The following BMERB1 variants were observed in gnomAD, a reference collection of about 807,000 sequenced individuals.
BMERB1 encodes bMERB domain containing 1, also known as bMERB domain-containing protein 1.
Under a neutral mutation model 23.6 loss-of-function variants are expected in BMERB1, and 12 were observed. The ratio of observed to expected loss-of-function variants is 0.51; its 90% CI spans 0.33 to 0.82. The LOEUF (loss-of-function observed/expected upper bound fraction) is 0.82, where lower values mean the gene tolerates loss of function less well. Ranked by LOEUF, BMERB1 falls within the 40% of genes least tolerant of loss-of-function variation. BMERB1 has a pLI of 0.03. For missense variants in BMERB1, 247 were observed against 255.4 expected, an observed-to-expected ratio of 0.97 and a Z score of 0.22; for synonymous variants, 122 against 96.6, an observed-to-expected ratio of 1.26 and a Z score of -1.54.
At chr16:15,521,255 C>A (rs878861951) in intron 2 of BMERB1, among the ~76,000 whole-genome samples, 1 of 152,202 alleles carries the variant, frequency 6.6e-6, no homozygotes, top group Non-Finnish European at 1.5e-5. Context: ...ATCACCATTT[C>A]TCTGCACATA....
At chr16:15,512,262 G>A (rs1048313064) in intron 1 of BMERB1, among the ~76,000 whole-genome samples, 15 of 152,102 alleles carry the variant, frequency 9.9e-5, no homozygotes, top group Non-Finnish European at 1.8e-4. Context: ...ACTCAGGGCC[G>A]GGAGAGTCCC....
rs1037714390 is a variant in BMERB1, at chr16:15,568,190, A to C, written c.304+134A>C. 11 of 689,944 alleles carry C rather than the reference A, an allele frequency of 1.6e-5. No individual in the cohort carries two copies. In the African/African-American group the frequency reaches 2.0e-4, roughly 12 times the overall value. 42.7% of individuals were successfully genotyped at this position (689,944 alleles called of 1,614,324 possible). On this transcript the variant is annotated intron_variant, in intron 3 of 5. Transcript: ENST00000300006. ...TGCTCCCTGACTGCATGTGTCAAAC[A>C]CAACTTCGAGTCAGGAAGACCTGGG...
At chr16:15,486,568 T>C (rs1429009279) in intron 1 of BMERB1, among the ~76,000 whole-genome samples, 1 of 152,196 alleles carries the variant, frequency 6.6e-6, no homozygotes, top group Non-Finnish European at 1.5e-5. Context: ...TGTTGACACC[T>C]GATCCAATCA....
chr16:15,471,639 AG>A (rs2051229895), intron 1 of BMERB1, among the ~76,000 whole-genome samples: 1 of 152,104 alleles, frequency 6.6e-6, no homozygotes, highest in African/African-American at 2.4e-5. Flanking sequence ...TTTTAGAGAT[AG>A]GGGTCTTGCT....
At chr16:15,442,007 C>G (rs1339623227) in intron 1 of BMERB1, among the ~76,000 whole-genome samples, 1 of 152,076 alleles carries the variant, frequency 6.6e-6, no homozygotes, top group Non-Finnish European at 1.5e-5. Context: ...CATGGGTTGT[C>G]CTCTGGAAGA....
intron 2 of BMERB1, among the ~76,000 whole-genome samples, chr16:15,553,298 G>A (rs941835863): frequency 2.2e-4 from 33 of 152,310 alleles, no homozygotes; most frequent in African/African-American, 6.7e-4. Context: ...ATGAGCCACC[G>A]TGCCTGGCCC....
intron 5 of BMERB1, chr16:15,584,003 T>C (rs1310227568): frequency 1.4e-6 from 1 of 702,338 alleles, no homozygotes; most frequent in Non-Finnish European, 2.6e-6. Flanking sequence ...CTGGCCTCTC[T>C]TAGGTCTGGA....
intron 2 of BMERB1, among the ~76,000 whole-genome samples, chr16:15,517,452 A>G (rs576763023): frequency 6.6e-6 from 1 of 152,304 alleles, no homozygotes; most frequent in South Asian, 2.1e-4. Flanking sequence ...CGGAGGCTAC[A>G]GCGAGCTGAG....
intron 2 of BMERB1, among the ~76,000 whole-genome samples, chr16:15,519,711 G>C (rs1038315705): frequency 6.6e-6 from 1 of 151,936 alleles, no homozygotes; most frequent in Non-Finnish European, 1.5e-5. Flanking sequence ...GCATGAGTCC[G>C]GGGGGGACTG....
intron 1 of BMERB1, among the ~76,000 whole-genome samples, chr16:15,441,035 G>A (rs190392720): frequency 7.9e-5 from 12 of 152,252 alleles, no homozygotes; most frequent in African/African-American, 2.6e-4. Flanking sequence ...AGAGACAGAA[G>A]GCCAGGGTGG....
At chr16:15,559,289 AC>A (rs766316601) in intron 2 of BMERB1, among the ~76,000 whole-genome samples, 1 of 152,200 alleles carries the variant, frequency 6.6e-6, no homozygotes, top group South Asian at 2.1e-4. Flanking sequence ...GGATTCTGTG[AC>A]TGGCTTCCAT....
chr16:15,558,646 CAT>C (rs745852330), intron 2 of BMERB1, among the ~76,000 whole-genome samples: 79 of 151,888 alleles, frequency 5.2e-4, no homozygotes, highest in Non-Finnish European at 6.8e-4. Context: ...GTCGTAGCGA[CAT>C]ATATGTGACA....
At chr16:15,538,692 C>T (rs2052050932) in intron 2 of BMERB1, among the ~76,000 whole-genome samples, 2 of 152,170 alleles carry the variant, frequency 1.3e-5, no homozygotes, top group South Asian at 2.1e-4. Context: ...TTGCCCAGGG[C>T]ATCATTAACC....
At position 15,503,243 on chromosome 16, in the gene BMERB1, C is replaced by G. The variant is rs7202527; in HGVS notation, c.107-12062C>G. ...CAGGAGGATGTGTGGGGCTTCTATG[C>G]AAATATTTCACCCTGTTATATCCGG... On this transcript the variant is annotated intron_variant, in intron 1 of 5. Coordinates refer to ENST00000300006, the MANE Select transcript of BMERB1 (RefSeq NM_033201.3). Among the ~76,000 whole-genome samples the G allele has an allele frequency of 2.9e-3, 441 of 152,042 alleles. 5 individuals carry two copies. The highest frequency in any genetic ancestry group is 0.01 in the African/African-American group (427 of 41,490).
intron 1 of BMERB1, among the ~76,000 whole-genome samples, chr16:15,446,929 GA>G (rs1465780331): frequency 6.6e-6 from 1 of 152,154 alleles, no homozygotes; most frequent in African/African-American, 2.4e-5. Flanking sequence ...GCTTCACAAA[GA>G]AAGGCTTTCT....
At chr16:15,514,895 A>G (rs2051726510) in intron 1 of BMERB1, among the ~76,000 whole-genome samples, 3 of 152,132 alleles carry the variant, frequency 2.0e-5, no homozygotes, top group Non-Finnish European at 2.9e-5. Flanking sequence ...CCTGGCTAAC[A>G]TGGTAAACCC....
chr16:15,471,893 A>T (rs1231831224), intron 1 of BMERB1, among the ~76,000 whole-genome samples: 1 of 152,162 alleles, frequency 6.6e-6, no homozygotes. Flanking sequence ...TCTTCATATA[A>T]GCATTTAGTG....
intron 3 of BMERB1, among the ~76,000 whole-genome samples, chr16:15,577,671 C>G (rs1420309611): frequency 6.7e-6 from 1 of 148,512 alleles, no homozygotes; most frequent in Non-Finnish European, 1.5e-5. Flanking sequence ...TTGGCATATT[C>G]CAGGGTTTTA....
At chr16:15,500,791 A>T (rs1283730319) in intron 1 of BMERB1, among the ~76,000 whole-genome samples, 1 of 152,170 alleles carries the variant, frequency 6.6e-6, no homozygotes, top group African/African-American at 2.4e-5. Flanking sequence ...AGCTGGGATG[A>T]CAGGCACGTG....
Sources: gnomAD v4.1 joint callset for allele counts (sites outside exome capture counted in the v4.1 genomes callset) on GRCh38, gnomAD v4.1.1 for gene constraint, MANE v1.5 for transcripts, NCBI Gene and HGNC (gene_info 2026-07-23, HGNC 2026-07-21) for gene names.